FOXP1: variants seen among roughly 807,000 people sequenced by gnomAD.
FOXP1 encodes forkhead box protein P1.
In FOXP1, 15 loss-of-function variants were observed where a neutral mutation model predicts 98.2. The ratio of observed to expected loss-of-function variants is 0.15; its 90% CI spans 0.10 to 0.24. The LOEUF is 0.24. Among genes scored for constraint, FOXP1 ranks in the 10% least tolerant of loss-of-function variants. FOXP1 has a pLI of 1.00. For synonymous variants in FOXP1, 371 were observed against 314.5 expected, an observed-to-expected ratio of 1.18 and a Z score of -1.90; for missense variants, 633 against 848.5, an observed-to-expected ratio of 0.75 and a Z score of 3.15.
At chr3:71,310,502 C>T (rs777900667) in intron 4 of FOXP1, among the ~76,000 whole-genome samples, 5 of 152,204 alleles carry the variant, frequency 3.3e-5, no homozygotes, top group African/African-American at 1.2e-4. Context: ...TGGAGGCAGA[C>T]GTTCTCTATC....
chr3:71,185,871 C>G (rs865901056), intron 6 of FOXP1, among the ~76,000 whole-genome samples: 1 of 152,312 alleles, frequency 6.6e-6, no homozygotes, highest in Admixed American at 6.5e-5. Context: ...TACTGAGACT[C>G]TTTCCTAACT....
At chr3:71,556,808 T>C (rs1376790337) in intron 2 of FOXP1, among the ~76,000 whole-genome samples, 3 of 151,798 alleles carry the variant, frequency 2.0e-5, no homozygotes, top group Non-Finnish European at 2.9e-5. Context: ...CCTAAGAAAA[T>C]CATCAGAGAT....
chr3:71,008,079 G>C (rs185542687), intron 12 of FOXP1, among the ~76,000 whole-genome samples: 1 of 152,226 alleles, frequency 6.6e-6, no homozygotes, highest in East Asian at 1.9e-4. Flanking sequence ...GATACTTTTA[G>C]TAGACGTTAT....
At chr3:71,149,504 C>T (rs548142669) in intron 6 of FOXP1, among the ~76,000 whole-genome samples, 2 of 152,052 alleles carry the variant, frequency 1.3e-5, no homozygotes, top group Admixed American at 6.5e-5. Flanking sequence ...CTACAGAAGG[C>T]CCAATGAAAT....
At chr3:71,430,949 G>A (rs2084658596) in intron 3 of FOXP1, among the ~76,000 whole-genome samples, 1 of 152,056 alleles carries the variant, frequency 6.6e-6, no homozygotes, top group Non-Finnish European at 1.5e-5. Context: ...CTGTACCAAT[G>A]GGCCCCTCCA....
At chr3:71,207,763 G>A (rs938730679) in intron 5 of FOXP1, among the ~76,000 whole-genome samples, 5 of 152,108 alleles carry the variant, frequency 3.3e-5, no homozygotes, top group Non-Finnish European at 7.4e-5. Flanking sequence ...GATATGATGC[G>A]AGCTGAGAGT....
chr3:70,979,316 A>AAAAAAAAAAGAAAAAAAAAAG (rs1553670621), intron 14 of FOXP1, among the ~76,000 whole-genome samples: 1 of 96,514 alleles, frequency 1.0e-5, no homozygotes, highest in African/African-American at 4.3e-5. Context: ...AAAAAAAAAA[A>AAAAAAAAAAGAAAAAAAAAAG]AAAAGAAAAA....
intron 18 of FOXP1, chr3:70,971,091 G>GAGTT: frequency 4.9e-6 from 2 of 410,096 alleles, no homozygotes; most frequent in Non-Finnish European, 9.2e-6. Context: ...AGATTTTTAG[G>GAGTT]AGTTAGCCTG....
At chr3:71,501,937 A>G in intron 2 of FOXP1, among the ~76,000 whole-genome samples, 1 of 152,148 alleles carries the variant, frequency 6.6e-6, no homozygotes, top group East Asian at 1.9e-4. Flanking sequence ...GAGATCAGCA[A>G]GGCAGGGTCT....
intron 2 of FOXP1, among the ~76,000 whole-genome samples, chr3:71,567,694 T>A (rs1401826130): frequency 6.6e-6 from 1 of 152,130 alleles, no homozygotes; most frequent in African/African-American, 2.4e-5. Context: ...TGGGGCTCGA[T>A]TAGCTTGCAA....
chr3:71,167,094 A>G (rs76784607), intron 6 of FOXP1, among the ~76,000 whole-genome samples: 1,801 of 152,140 alleles, frequency 0.012, 23 homozygotes, highest in African/African-American at 0.042. Flanking sequence ...TTATCCAGCC[A>G]AATTTGATCA....
At chr3:71,581,439 T>C in intron 2 of FOXP1, 110 bp downstream of exon 2, 1 of 985,496 alleles carries the variant, frequency 1.0e-6, no homozygotes, top group Non-Finnish European at 1.2e-6. Context: ...CGGTGCCTTA[T>C]CGCTAGGCTC....
rs4677035 is a variant in FOXP1 at position 71,322,583 on chromosome 3, A to T, written c.-72-22703T>A. 2.0e-5 allele frequency among the ~76,000 whole-genome samples: 3 copies of T among 152,042 alleles called. No individual in the cohort carries two copies. The South Asian group carries it at 6.2e-4, about 32-fold the overall frequency. ...TTTTATAGGACAGAAAACAGGAGCC[A>T]GGTGGAGCGAGGCACACATGCAAAG... On this transcript the variant is annotated intron_variant, in intron 4 of 20. Transcript: ENST00000649528.
chr3:71,253,462 C>T (rs1272091462), intron 5 of FOXP1, among the ~76,000 whole-genome samples: 2 of 152,130 alleles, frequency 1.3e-5, no homozygotes, highest in African/African-American at 4.8e-5. Context: ...AAGTTCTGAT[C>T]TTTTACACAG....
At position 71,396,969 on chromosome 3, in the gene FOXP1, T is replaced by TAC. The variant is rs1560424483; in HGVS notation, c.-167-37726_-167-37725insGT. On this transcript the variant is annotated intron_variant, in intron 3 of 20. Coordinates refer to ENST00000649528, the MANE Select transcript of FOXP1 (RefSeq NM_001349338.3). ...ATATGTGTATATATATATATGTGTG[T>TAC]ATATATATATATGTGTATATATATA... is the stretch of plus-strand genomic sequence containing the variant. 6.0e-3 allele frequency among the ~76,000 whole-genome samples: 95 copies of TAC among 15,780 alleles called. 4 individuals are homozygous for TAC. Among genetic ancestry groups the TAC allele is most frequent in the Non-Finnish European group, 0.013 (58 of 4,580 alleles). 10.4% of individuals were successfully genotyped at this position (15,780 alleles called of 152,430 possible).
chr3:71,327,939 G>T (rs1461551615), intron 4 of FOXP1, among the ~76,000 whole-genome samples: 1 of 152,074 alleles, frequency 6.6e-6, no homozygotes, highest in Non-Finnish European at 1.5e-5. Flanking sequence ...TTCTCCCAGG[G>T]TATTCCCCCA....
chr3:71,498,646 T>G (rs933013231), intron 2 of FOXP1, among the ~76,000 whole-genome samples: 2 of 152,168 alleles, frequency 1.3e-5, no homozygotes, highest in Non-Finnish European at 2.9e-5. Flanking sequence ...ACAGACAACA[T>G]GCTCATCACG....
chr3:70,985,450 T>G (rs984726295), intron 14 of FOXP1, among the ~76,000 whole-genome samples: 1 of 152,174 alleles, frequency 6.6e-6, no homozygotes, highest in Admixed American at 6.5e-5. Context: ...CTTTTATAAT[T>G]AATTTCCCAA....
intron 20 of FOXP1, among the ~76,000 whole-genome samples, chr3:70,963,840 A>G (rs972568519): frequency 6.6e-5 from 10 of 152,216 alleles, no homozygotes; most frequent in Admixed American, 6.5e-4. Flanking sequence ...AACGAAACGT[A>G]GTGGTATCTG....
Sources: allele counts gnomAD v4.1 joint callset (sites outside exome capture counted in the v4.1 genomes callset), GRCh38; gene constraint gnomAD v4.1.1; transcripts MANE v1.5; gene names NCBI Gene and HGNC (gene_info 2026-07-23, HGNC 2026-07-21).